The following TENM2 variants were observed in gnomAD, a reference collection of about 807,000 sequenced individuals.
The protein encoded by TENM2 is teneurin transmembrane protein 2.
In TENM2, 52 loss-of-function variants were observed where a neutral mutation model predicts 245.2. The ratio of observed to expected loss-of-function variants is 0.21; its 90% CI spans 0.17 to 0.27. The LOEUF (loss-of-function observed/expected upper bound fraction) is 0.27, where lower values mean the gene tolerates loss of function less well. TENM2 is among the 10% of genes least tolerant of loss of function. The pLI is 1.00. For missense variants in TENM2, 3,046 were observed against 3,666.8 expected (o/e 0.83, Z 4.37); for synonymous variants, 1,363 against 1,438.9 (o/e 0.95, Z 1.19).
chr5:168,120,500 G>A (rs991279471), intron 10 of TENM2, among the ~76,000 whole-genome samples: 5 of 152,196 alleles, frequency 3.3e-5, no homozygotes, highest in South Asian at 2.1e-4. Context: ...GCCAGTCTTC[G>A]AATTTTTTCT....
chr5:167,615,222 G>T (rs1275223347), intron 2 of TENM2, among the ~76,000 whole-genome samples: 1 of 152,058 alleles, frequency 6.6e-6, no homozygotes, highest in Non-Finnish European at 1.5e-5. Flanking sequence ...ATGGGGTGGG[G>T]TGAATTTTTT....
the TENM2 span, among the ~76,000 whole-genome samples, chr5:167,148,067 G>T: frequency 6.6e-6 from 1 of 152,126 alleles, no homozygotes; most frequent in Non-Finnish European, 1.5e-5. Flanking sequence ...CTGTTAAAAT[G>T]ATGCATAACC....
exon 25 of TENM2, chr5:168,227,954 A>C: frequency 6.2e-7 from 1 of 1,613,744 alleles, no homozygotes; most frequent in Non-Finnish European, 8.5e-7. Flanking sequence ...GATGTATGCT[A>C]ATGGGATGGG....
At chr5:167,034,505 C>T in the TENM2 span, among the ~76,000 whole-genome samples, 41 of 151,776 alleles carry the variant, frequency 2.7e-4, 1 homozygote, top group African/African-American at 8.9e-4. Context: ...TGGCGGGCGC[C>T]TGTAGTCCCA....
chr5:167,488,328 C>T (rs368515359), intron 2 of TENM2, among the ~76,000 whole-genome samples: 3 of 152,278 alleles, frequency 2.0e-5, no homozygotes, highest in Non-Finnish European at 1.5e-5. Context: ...TTGAAACACA[C>T]TCCAGTAAAG....
intron 2 of TENM2, among the ~76,000 whole-genome samples, chr5:167,570,570 A>T (rs1347147398): frequency 6.6e-6 from 1 of 152,112 alleles, no homozygotes; most frequent in Admixed American, 6.5e-5. Context: ...TTTCATTCAG[A>T]TTCCAAGTGC....
At chr5:167,260,332 CTT>C in the TENM2 span, among the ~76,000 whole-genome samples, 2 of 152,106 alleles carry the variant, frequency 1.3e-5, no homozygotes, top group Non-Finnish European at 2.9e-5. Context: ...ATTCTGGAAA[CTT>C]AATGTTGTGG....
At chr5:167,540,847 T>G (rs2127603877) in intron 2 of TENM2, among the ~76,000 whole-genome samples, 1 of 152,302 alleles carries the variant, frequency 6.6e-6, no homozygotes, top group South Asian at 2.1e-4. Context: ...ATGGGATTAC[T>G]TACACAAAGT....
rs376795770 is a variant in TENM2, at chr5:168,262,524, G to A, written c.8039G>A (p.Arg2680His). 35 of 1,556,062 alleles carry A rather than the reference G, an allele frequency of 2.2e-5. No individual in the cohort carries two copies. Among genetic ancestry groups the A allele is most frequent in the Middle Eastern group, 1.7e-4 (1 of 6,008 alleles). Residue 2680 changes from arginine (R) to histidine (H), a missense_variant, in exon 29 of 29, where the codon CGC (arginine) becomes CAC (histidine). By Grantham distance (29) the Arg-to-His change is conservative. This residue lies in a region of TENM2 where 2,704 missense variants were observed against 3,331.9 expected (regional missense o/e 0.81). Transcript: ENST00000518659. ...TACTCCACGCTGCTGCTCAGCATCC[G>A]CTATGGCCTCACCCCCGACACCCTG...
intron 9 of TENM2, among the ~76,000 whole-genome samples, chr5:168,112,615 G>T (rs1359148656): frequency 1.3e-4 from 15 of 112,832 alleles, no homozygotes; most frequent in Admixed American, 1.2e-3. Context: ...GCGGGGGGGG[G>T]GTCAAACTTT....
At chr5:167,451,390 G>A (rs949851695) in intron 2 of TENM2, among the ~76,000 whole-genome samples, 5 of 152,178 alleles carry the variant, frequency 3.3e-5, no homozygotes, top group Non-Finnish European at 7.3e-5. Flanking sequence ...CTTTGTCTTC[G>A]TGCTTCAGTT....
chr5:167,523,237 A>G (rs899548830), intron 2 of TENM2, among the ~76,000 whole-genome samples: 1 of 152,144 alleles, frequency 6.6e-6, no homozygotes, highest in Non-Finnish European at 1.5e-5. Flanking sequence ...TAAGATTTGC[A>G]GGTTCCAGGG....
chr5:168,221,479 G>A (rs1182029623), intron 23 of TENM2, among the ~76,000 whole-genome samples: 1 of 152,126 alleles, frequency 6.6e-6, no homozygotes, highest in Non-Finnish European at 1.5e-5. Flanking sequence ...TTGTAAAGCA[G>A]GGCTATGAAT....
At chr5:167,747,542 C>T (rs1761675488) in intron 2 of TENM2, among the ~76,000 whole-genome samples, 1 of 152,162 alleles carries the variant, frequency 6.6e-6, no homozygotes, top group Non-Finnish European at 1.5e-5. Context: ...CACGCTGATA[C>T]TCAGCTCAAA....
the TENM2 span, among the ~76,000 whole-genome samples, chr5:167,182,679 G>A: frequency 6.6e-6 from 1 of 151,930 alleles, no homozygotes; most frequent in Non-Finnish European, 1.5e-5. Context: ...ATTTTTGACG[G>A]GAGGAATGGA....
chr5:167,259,187 G>A, the TENM2 span, among the ~76,000 whole-genome samples: 168 of 152,234 alleles, frequency 1.1e-3, 1 homozygote, highest in Middle Eastern at 3.4e-3. Flanking sequence ...AAAAATGTAC[G>A]TGTCAACAGG....
intron 3 of TENM2, among the ~76,000 whole-genome samples, chr5:167,922,486 C>A (rs1292555028): frequency 6.6e-6 from 1 of 152,218 alleles, no homozygotes; most frequent in Non-Finnish European, 1.5e-5. Context: ...ACATCCTGCC[C>A]TCAAGGAAGC....
chr5:167,479,913 T>A (rs916193032), intron 2 of TENM2, among the ~76,000 whole-genome samples: 1 of 152,204 alleles, frequency 6.6e-6, no homozygotes, highest in African/African-American at 2.4e-5. Context: ...AATGCATGAC[T>A]GTTTGAATGG....
chr5:168,237,566 A>T (rs892733056), intron 25 of TENM2, among the ~76,000 whole-genome samples: 1 of 152,106 alleles, frequency 6.6e-6, no homozygotes, highest in Non-Finnish European at 1.5e-5. Flanking sequence ...TGGCAAAGCT[A>T]ATCAGTGACA....
Sources: allele counts gnomAD v4.1 joint callset (sites outside exome capture counted in the v4.1 genomes callset), GRCh38; gene constraint gnomAD v4.1.1; regional missense constraint gnomAD v4.1.1; transcripts MANE v1.5; gene names NCBI Gene and HGNC (gene_info 2026-07-23, HGNC 2026-07-21).